PPP1CC: variants seen among roughly 807,000 people sequenced by gnomAD.
The protein encoded by PPP1CC is serine/threonine-protein phosphatase PP1-gamma catalytic subunit.
PPP1CC carries 16 observed loss-of-function variants against 38.4 expected under a neutral mutation model. That is an observed-to-expected ratio of 0.42 (90% CI 0.28 to 0.63). The LOEUF is 0.63. Ranked by LOEUF, PPP1CC falls within the 30% of genes least tolerant of loss-of-function variation. PPP1CC has a pLI of 0.25. For synonymous variants in PPP1CC, 158 were observed against 136.0 expected (o/e 1.16, Z -1.13); for missense variants, 170 against 391.3 (o/e 0.43, Z 4.77).
intron 1 of PPP1CC, chr12:110,732,976 G>A (rs1355068143): frequency 3.9e-5 from 6 of 152,030 alleles, no homozygotes; most frequent in South Asian, 2.1e-4. Flanking sequence ...ACTAAGTCTC[G>A]TTCTGATAAA....
downstream of PPP1CC, among the ~76,000 whole-genome samples, chr12:110,718,091 T>C (rs554232203): frequency 9.2e-5 from 14 of 152,302 alleles, no homozygotes; most frequent in African/African-American, 2.6e-4. Flanking sequence ...CAGCATTCAG[T>C]AATTTTTTCC....
chr12:110,720,131 C>T lies in PPP1CC; in HGVS notation c.*945G>A, dbSNP rs1048242822. On this transcript the variant is annotated 3_prime_UTR_variant, in exon 7 of 7. Transcript: ENST00000335007. ...GAATGTAGGCCAAAGAAAGCATAAT[C>T]GGTCACTCGTATAGAACAGTATTGT... is the stretch of plus-strand genomic sequence containing the variant. 1.5e-5 allele frequency: 23 copies of T among 1,547,794 alleles called. No homozygotes were observed. The highest frequency in any genetic ancestry group is 5.9e-5 in the South Asian group (5 of 84,634).
the PPP1CC span, among the ~76,000 whole-genome samples, chr12:110,711,929 CAACAACAACAA>C: frequency 8.1e-5 from 11 of 135,746 alleles, no homozygotes; most frequent in African/African-American, 3.4e-4. Context: ...CTGTCTCAAA[CAACAACAACAA>C]AACAACAACA....
chr12:110,716,631 G>C (rs1039853961), downstream of PPP1CC, among the ~76,000 whole-genome samples: 1 of 152,292 alleles, frequency 6.6e-6, no homozygotes, highest in South Asian at 2.1e-4. Context: ...TGGAATTACA[G>C]GCATGAGCCA....
chr12:110,711,015 A>C, the PPP1CC span, among the ~76,000 whole-genome samples: 1 of 151,794 alleles, frequency 6.6e-6, no homozygotes, highest in Non-Finnish European at 1.5e-5. Flanking sequence ...GTCTCTACTA[A>C]AAATACAAAA....
downstream of PPP1CC, among the ~76,000 whole-genome samples, chr12:110,716,144 A>G (rs2069685312): frequency 6.6e-6 from 1 of 152,194 alleles, no homozygotes; most frequent in Admixed American, 6.5e-5. Flanking sequence ...CAGTGCCTTT[A>G]CACAACCCCT....
downstream of PPP1CC, among the ~76,000 whole-genome samples, chr12:110,719,132 T>C (rs796123546): frequency 6.6e-6 from 1 of 152,162 alleles, no homozygotes; most frequent in South Asian, 2.1e-4. Flanking sequence ...GACACAATTA[T>C]CATTCACTGT....
chr12:110,717,388 T>C (rs895732965), downstream of PPP1CC, among the ~76,000 whole-genome samples: 2 of 152,106 alleles, frequency 1.3e-5, no homozygotes, highest in Non-Finnish European at 2.9e-5. Flanking sequence ...AATGGAGACA[T>C]AGCACTTCAA....
At chr12:110,715,624 T>C (rs901961378), downstream of PPP1CC, among the ~76,000 whole-genome samples, 3 of 151,880 alleles carry the variant, frequency 2.0e-5, no homozygotes, top group African/African-American at 7.3e-5. Context: ...GGTATGCTAC[T>C]TTTTTTCTTT....
intron 4 of PPP1CC, among the ~76,000 whole-genome samples, chr12:110,723,911 CACA>C (rs1255167117): frequency 6.6e-6 from 1 of 152,094 alleles, no homozygotes; most frequent in Non-Finnish European, 1.5e-5. Context: ...GGATCTCTGG[CACA>C]ACAAATTACA....
chr12:110,733,389 T>C (rs778858339), intron 1 of PPP1CC, among the ~76,000 whole-genome samples: 4 of 152,220 alleles, frequency 2.6e-5, no homozygotes, highest in Admixed American at 6.5e-5. Flanking sequence ...CTGCGATAAA[T>C]AGCTCATACC....
intron 3 of PPP1CC, among the ~76,000 whole-genome samples, chr12:110,728,913 T>G (rs2136550399): frequency 6.6e-6 from 1 of 152,292 alleles, no homozygotes; most frequent in Admixed American, 6.5e-5. Context: ...CTAACAAATG[T>G]GCTAGCTCAA....
intron 3 of PPP1CC, among the ~76,000 whole-genome samples, chr12:110,728,262 A>G (rs111740013): frequency 0.17 from 25,012 of 151,512 alleles, 3,054 homozygotes; most frequent in African/African-American, 0.35. Context: ...AGCCGGGCGT[A>G]GTGGCGGGCG....
At chr12:110,717,494 C>T (rs190048457), downstream of PPP1CC, among the ~76,000 whole-genome samples, 279 of 152,226 alleles carry the variant, frequency 1.8e-3, 3 homozygotes, top group East Asian at 3.9e-3. Context: ...CCCAGGTTCA[C>T]GCCATTCTCC....
chr12:110,718,615 G>A (rs1363824545), downstream of PPP1CC, among the ~76,000 whole-genome samples: 2 of 152,044 alleles, frequency 1.3e-5, no homozygotes, highest in African/African-American at 4.8e-5. Context: ...GGATCGATAA[G>A]ATAACCAAAA....
the PPP1CC span, among the ~76,000 whole-genome samples, chr12:110,714,164 G>T: frequency 1.3e-5 from 2 of 152,062 alleles, no homozygotes; most frequent in African/African-American, 2.4e-5. Flanking sequence ...CAAGATTATG[G>T]CTTCTAAAAA....
the PPP1CC span, among the ~76,000 whole-genome samples, chr12:110,712,506 G>A: frequency 1.3e-5 from 2 of 151,144 alleles, no homozygotes; most frequent in Non-Finnish European, 2.9e-5. Flanking sequence ...CACGTGTGGT[G>A]GTGGGTGCCT....
At chr12:110,712,755 G>T in the PPP1CC span, among the ~76,000 whole-genome samples, 1 of 148,516 alleles carries the variant, frequency 6.7e-6, no homozygotes, top group Non-Finnish European at 1.5e-5. Context: ...CTGATCTCCT[G>T]TGTCTGTTAC....
chr12:110,737,987 C>T (rs1006665874), intron 1 of PPP1CC, among the ~76,000 whole-genome samples: 5 of 152,136 alleles, frequency 3.3e-5, no homozygotes, highest in African/African-American at 1.2e-4. Context: ...ACACTGTCTA[C>T]TGTTCTCAAT....
Sources: gnomAD v4.1 joint callset for allele counts (sites outside exome capture counted in the v4.1 genomes callset) on GRCh38, gnomAD v4.1.1 for gene constraint, MANE v1.5 for transcripts, NCBI Gene and HGNC (gene_info 2026-07-23, HGNC 2026-07-21) for gene names.